Variants in MYO1F observed in about 807,000 individuals in gnomAD.
MYO1F encodes the protein myosin IF, also known as unconventional myosin-If.
In MYO1F, 60 loss-of-function variants were observed where a neutral mutation model predicts 146.6. That is an observed-to-expected ratio of 0.41 (90% CI 0.33 to 0.51). The LOEUF (loss-of-function observed/expected upper bound fraction) is 0.51. MYO1F is among the 20% of genes least tolerant of loss of function. The probability of loss-of-function intolerance (pLI) is 0.25; values close to 1 mark genes in which losing one functional copy is unlikely to be tolerated. For synonymous variants in MYO1F, 602 were observed against 602.1 expected, an observed-to-expected ratio of 1.00 and a Z score of 0.00; for missense variants, 1,274 against 1,534.3, an observed-to-expected ratio of 0.83 and a Z score of 2.83.
At chr19:8,546,225 G>A (rs10409154) in intron 12 of MYO1F, among the ~76,000 whole-genome samples, 7 of 151,164 alleles carry the variant, frequency 4.6e-5, no homozygotes, top group African/African-American at 7.3e-5. Context: ...CCACCACGCC[G>A]GACTAATTTT....
chr19:8,545,244 C>T lies in MYO1F; in HGVS notation c.1356+406G>A, dbSNP rs560864572. Among the ~76,000 whole-genome samples the T allele has an allele frequency of 1.5e-3, 222 of 151,712 alleles. 1 individual carries two copies. The highest frequency in any genetic ancestry group is 4.3e-3 in the African/African-American group (178 of 41,388). Reference sequence around the variant, plus strand: ...CTGGGATTACAGGCGCCTGCCACCACGCCTGGCTAATTTTTTGTATTTTTA... The same window carrying T: ...CTGGGATTACAGGCGCCTGCCACCATGCCTGGCTAATTTTTTGTATTTTTA... On this transcript the variant is annotated intron_variant, in intron 13 of 27. Coordinates refer to ENST00000644032, the MANE Select transcript of MYO1F (RefSeq NM_012335.4).
chr19:8,557,555 G>C (rs1478947876), intron 1 of MYO1F, among the ~76,000 whole-genome samples: 2 of 152,140 alleles, frequency 1.3e-5, no homozygotes, highest in Non-Finnish European at 2.9e-5. Flanking sequence ...ATCTGTCTCA[G>C]TCCCCCAAAG....
At chr19:8,559,916 C>G (rs1397100118) in intron 1 of MYO1F, among the ~76,000 whole-genome samples, 1 of 145,338 alleles carries the variant, frequency 6.9e-6, no homozygotes, top group Admixed American at 7.1e-5. Context: ...TGCCATTGCA[C>G]TCCAGCCTGG....
At chr19:8,547,986 ACCCCAC>A in intron 12 of MYO1F, 44 bp downstream of exon 12, 5 of 837,530 alleles carry the variant, frequency 6.0e-6, no homozygotes, top group Non-Finnish European at 1.0e-5. Flanking sequence ...TGGTCCTTCC[ACCCCAC>A]CCCCACCCCA....
At chr19:8,576,914 G>C (rs1555733942) in intron 1 of MYO1F, 6 of 332,486 alleles carry the variant, frequency 1.8e-5, no homozygotes, top group Non-Finnish European at 5.6e-6. Context: ...CCGGGGCCAA[G>C]AGAGGGGAAG....
At chr19:8,553,745 G>A (rs561728134) in intron 4 of MYO1F, among the ~76,000 whole-genome samples, 102 of 151,834 alleles carry the variant, frequency 6.7e-4, no homozygotes, top group Non-Finnish European at 1.2e-3. Context: ...GGTGGTGGGC[G>A]CCTGTAATCC....
At chr19:8,528,509 C>A (rs1223205821) in intron 21 of MYO1F, among the ~76,000 whole-genome samples, 2 of 152,138 alleles carry the variant, frequency 1.3e-5, no homozygotes, top group Non-Finnish European at 2.9e-5. Flanking sequence ...GCCTGGGCGA[C>A]ATAACAAGAT....
intron 19 of MYO1F, among the ~76,000 whole-genome samples, chr19:8,531,839 C>T (rs185545214): frequency 9.2e-5 from 14 of 151,680 alleles, no homozygotes; most frequent in African/African-American, 2.2e-4. Context: ...AAAATGTGGC[C>T]GGGTGCAGTG....
intron 27 of MYO1F, among the ~76,000 whole-genome samples, chr19:8,521,831 C>A (rs1324647960): frequency 6.6e-6 from 1 of 151,420 alleles, no homozygotes; most frequent in Non-Finnish European, 1.5e-5. Context: ...TTTTGTAAAT[C>A]TTTTGTAGAG....
chr19:8,543,910 T>C (rs1599956368), intron 14 of MYO1F, among the ~76,000 whole-genome samples: 2 of 93,194 alleles, frequency 2.1e-5, no homozygotes, highest in South Asian at 4.4e-4. Context: ...GTGGTGGTGG[T>C]GGTGGTGGTG....
intron 4 of MYO1F, 85 bp downstream of exon 4, chr19:8,554,392 G>T (rs1015993461): frequency 3.4e-6 from 4 of 1,159,776 alleles, no homozygotes; most frequent in Non-Finnish European, 5.2e-6. Context: ...CAGATTGGGA[G>T]TTTCAGGCAA....
intron 6 of MYO1F, 64 bp downstream of exon 6, chr19:8,553,075 G>T: frequency 7.1e-7 from 1 of 1,413,484 alleles, no homozygotes; most frequent in Non-Finnish European, 1.0e-6. Context: ...GTATGTGTGG[G>T]TGTGTGTGTA....
At chr19:8,550,797 C>T in intron 8 of MYO1F, 103 bp from the exon 9 acceptor site, 3 of 1,500,410 alleles carry the variant, frequency 2.0e-6, no homozygotes, top group Non-Finnish European at 2.7e-6. Context: ...GGAGTGAGCA[C>T]CCTTGGGTCC....
rs1363910221 is a variant in MYO1F, at chr19:8,543,669, G to GTGC, written c.1524+627_1524+628insGCA. ...GGTGGTGGTGCTGGTGGTGGTGGTG[G>GTGC]TGGTGCTGGTGGTGGTGGTGGTGGT... On this transcript the variant is annotated intron_variant, in intron 14 of 27. Coordinates refer to ENST00000644032, the MANE Select transcript of MYO1F (RefSeq NM_012335.4). Among the ~76,000 whole-genome samples, 51 of 64,094 alleles carry GTGC rather than the reference G, an allele frequency of 8.0e-4. 1 individual carries two copies. Among genetic ancestry groups the GTGC allele is most frequent in the Middle Eastern group, 7.2e-3 (1 of 138 alleles). The allele number at this position is 64,094 out of a possible 152,430, so 42.0% of individuals were successfully genotyped here.
In MYO1F at chr19:8,555,239, G is replaced by T. The variant is rs377312930; in HGVS notation, c.141+420C>A. ...AAAAAAATTAGCCAGGCATGGTGGC[G>T]CATGCCTATAATCCCAGCTACTTGG... On this transcript the variant is annotated intron_variant, in intron 2 of 27. Transcript: ENST00000644032. 2.4e-3 allele frequency among the ~76,000 whole-genome samples: 363 copies of T among 151,844 alleles called. 1 individual carries two copies. The highest frequency in any genetic ancestry group is 8.3e-3 in the African/African-American group (345 of 41,438).
Position 8,533,333 on chromosome 19 carries a change from ATTC to A in MYO1F, c.2044-2763_2044-2761del, listed in dbSNP as rs552758347. On this transcript the variant is annotated intron_variant, in intron 19 of 27. Transcript: ENST00000644032. ...CGTGAGCCAGCGTGCCCAGCCTCAG[ATTC>A]TTCTTCTTCTTCTTCTTCTTCTTTT... Among the ~76,000 whole-genome samples the A allele has an allele frequency of 5.6e-3, 755 of 135,736 alleles. 7 individuals carry two copies. The highest frequency in any genetic ancestry group is 0.016 in the African/African-American group (577 of 35,208). The allele number at this position is 135,736 out of a possible 152,430, so 89.0% of individuals were successfully genotyped here.
intron 1 of MYO1F, among the ~76,000 whole-genome samples, chr19:8,571,285 C>T (rs567602943): frequency 6.6e-6 from 1 of 152,318 alleles, no homozygotes; most frequent in East Asian, 1.9e-4. Flanking sequence ...TGGAGCCTTG[C>T]CCCCAGCTCA....
chr19:8,520,892 T>C lies in MYO1F; in HGVS notation c.*636A>G. On this transcript the variant is annotated 3_prime_UTR_variant, in exon 28 of 28. Coordinates refer to ENST00000644032, the MANE Select transcript of MYO1F (RefSeq NM_012335.4). ...TGCCCGCCTCAGCCTCCCAAAGTGCTGGGATTACAGGCGTGAGCCACTGCG... is the reference window on the plus strand; with the variant it reads ...TGCCCGCCTCAGCCTCCCAAAGTGCCGGGATTACAGGCGTGAGCCACTGCG... 1 of 157,370 alleles carries C rather than the reference T, an allele frequency of 6.4e-6. No individual in the cohort carries two copies. The highest frequency in any genetic ancestry group is 1.8e-4 in the South Asian group (1 of 5,420). 9.7% of individuals were successfully genotyped at this position (157,370 alleles called of 1,614,324 possible).
intron 1 of MYO1F, among the ~76,000 whole-genome samples, chr19:8,561,807 C>T (rs1600035105): frequency 6.6e-6 from 1 of 151,676 alleles, no homozygotes; most frequent in East Asian, 1.9e-4. Flanking sequence ...AAATCTACCT[C>T]CCAGGTTCAA....
Sources: allele counts gnomAD v4.1 joint callset (sites outside exome capture counted in the v4.1 genomes callset), GRCh38; gene constraint gnomAD v4.1.1; transcripts MANE v1.5; gene names NCBI Gene and HGNC (gene_info 2026-07-23, HGNC 2026-07-21).